Variants in M1AP observed in about 807,000 individuals in gnomAD.
M1AP encodes meiosis 1 arrest protein.
Under a neutral mutation model 51.2 loss-of-function variants are expected in M1AP, and 39 were observed. The ratio of observed to expected loss-of-function variants is 0.76; its 90% confidence interval spans 0.59 to 1.00. M1AP has a LOEUF of 1.00. M1AP is among the 50% of genes least tolerant of loss of function. The pLI is 0.00. For synonymous variants in M1AP, 251 were observed against 249.2 expected, an observed-to-expected ratio of 1.01 and a Z score of -0.07; for missense variants, 545 against 641.2, an observed-to-expected ratio of 0.85 and a Z score of 1.62.
rs1404393644 is a variant in M1AP at position 74,599,379 on chromosome 2, T to A, written c.595+7676A>T. Among the ~76,000 whole-genome samples, 5 of 152,168 alleles carry A rather than the reference T, an allele frequency of 3.3e-5. 2 individuals carry two copies. In the South Asian group the frequency reaches 1.0e-3, roughly 32 times the overall value. ...AAATTTTCTCCTATGCTTTTTTTTT[T>A]AAAGTTTTACATTTTACTTTTCACA... On this transcript the variant is annotated intron_variant, in intron 4 of 10. Coordinates refer to ENST00000421985, the MANE Select transcript of M1AP (RefSeq NM_001321739.2).
intron 5 of M1AP, among the ~76,000 whole-genome samples, chr2:74,577,204 A>G (rs1642876072): frequency 6.6e-6 from 1 of 152,202 alleles, no homozygotes; most frequent in African/African-American, 2.4e-5. Context: ...CTTATTTTTT[A>G]ATTCCCCAAA....
At chr2:74,646,015 T>C (rs989922284) in intron 1 of M1AP, among the ~76,000 whole-genome samples, 3 of 152,240 alleles carry the variant, frequency 2.0e-5, no homozygotes, top group Non-Finnish European at 4.4e-5. Context: ...TCTAGCTCTT[T>C]AGTTCACGAA....
rs184349766 is a variant in M1AP at position 74,558,561 on chromosome 2, G to A, written c.*155C>T. 81 of 786,518 alleles carry A rather than the reference G, an allele frequency of 1.0e-4. 1 individual carries two copies. In the African/African-American group the frequency reaches 1.2e-3, roughly 12 times the overall value. The allele number at this position is 786,518 out of a possible 1,614,324, so 48.7% of individuals were successfully genotyped here. ...GCTTCCAGACTTGAGGAGTGGGACA[G>A]CACTGAAACAGGACAGGAAGGCTGT... On this transcript the variant is annotated 3_prime_UTR_variant, in exon 11 of 11. Transcript: ENST00000421985.
intron 2 of M1AP, among the ~76,000 whole-genome samples, chr2:74,621,336 G>C (rs1289343554): frequency 6.6e-6 from 1 of 151,778 alleles, no homozygotes; most frequent in Non-Finnish European, 1.5e-5. Context: ...TTCCCAGCTG[G>C]CAAAATGAGA....
chr2:74,629,909 G>A (rs1682606968), intron 2 of M1AP, among the ~76,000 whole-genome samples: 1 of 151,266 alleles, frequency 6.6e-6, no homozygotes, highest in African/African-American at 2.4e-5. Flanking sequence ...AACACTTCTG[G>A]TCTAAAGTAT....
At chr2:74,623,730 G>A (rs778389114) in intron 2 of M1AP, among the ~76,000 whole-genome samples, 19 of 152,124 alleles carry the variant, frequency 1.2e-4, no homozygotes, top group Non-Finnish European at 2.1e-4. Context: ...GGAGTACAGT[G>A]GCGTGATCAT....
At chr2:74,599,422 T>A (rs1680542278) in intron 4 of M1AP, among the ~76,000 whole-genome samples, 1 of 152,194 alleles carries the variant, frequency 6.6e-6, no homozygotes, top group African/African-American at 2.4e-5. Context: ...CTTTAATCCA[T>A]CTAAAAACAT....
At chr2:74,648,238 C>G in intron 1 of M1AP, 27 bp downstream of exon 1, 1 of 976,440 alleles carries the variant, frequency 1.0e-6, no homozygotes, top group South Asian at 4.7e-5. Flanking sequence ...GGGCTGCCCT[C>G]CCTCCCCGAG....
At position 74,648,203 on chromosome 2, in the gene M1AP, C is replaced by T. The variant is rs530798410; in HGVS notation, c.-53+62G>A. On this transcript the variant is annotated intron_variant, in intron 1 of 10. Transcript: ENST00000421985. Reference sequence around the variant, plus strand: ...GAGCTCGGCCCACGCCCAGCCCAGCCTGCGAAGTGGTGCCGGCTGCTCTCG... The same window carrying T: ...GAGCTCGGCCCACGCCCAGCCCAGCTTGCGAAGTGGTGCCGGCTGCTCTCG... 9.3e-6 allele frequency: 9 copies of T among 963,144 alleles called. No individual in the cohort carries two copies. The South Asian group carries it at 3.3e-4, about 36-fold the overall frequency. 59.7% of individuals were successfully genotyped at this position (963,144 alleles called of 1,614,324 possible). A position where few individuals can be genotyped will look rare whatever the true frequency, so the allele number is the denominator to read the frequency against.
intron 2 of M1AP, among the ~76,000 whole-genome samples, chr2:74,620,500 T>C (rs566053476): frequency 1.3e-5 from 2 of 152,200 alleles, no homozygotes; most frequent in Non-Finnish European, 1.5e-5. Context: ...CATTCATTCA[T>C]TGGAGAATGT....
chr2:74,575,449 G>A lies in M1AP; in HGVS notation c.1063C>T (p.His355Tyr), dbSNP rs772900148. The A allele has an allele frequency of 6.2e-7, 1 of 1,614,104 alleles. No homozygotes were observed. Among genetic ancestry groups the A allele is most frequent in the Admixed American group, 1.7e-5 (1 of 60,030 alleles). ...TNQQHFHALCHSLLKREWLLL... is the reference protein window; with the variant it reads ...TNQQHFHALCYSLLKREWLLL... Reference sequence around the variant, plus strand: ...ACATGGGTACTCACCAGCAGGCTGTGACACAAAGCATGGAAATGTTGCTGA... The same window carrying A: ...ACATGGGTACTCACCAGCAGGCTGTAACACAAAGCATGGAAATGTTGCTGA... Residue 355 changes from histidine to tyrosine, a missense_variant, in exon 7 of 11, where the codon CAC becomes TAC. Transcript: ENST00000421985.
At position 74,558,446 on chromosome 2, in the gene M1AP, G is replaced by C. The variant is rs1039240392; in HGVS notation, c.*270C>G. On this transcript the variant is annotated 3_prime_UTR_variant, in exon 11 of 11. Transcript: ENST00000421985. ...TCCTAACAATGGTAGAAGCTTACTG[G>C]GTGTTTAATCTTCACCTGTGTAAAC... 2.4e-6 allele frequency: 1 copy of C among 413,760 alleles called. No individual in the cohort carries two copies. The highest frequency in any genetic ancestry group is 4.3e-6 in the Non-Finnish European group (1 of 234,332). The allele number at this position is 413,760 out of a possible 1,614,324, so 25.6% of individuals were successfully genotyped here. A position where few individuals can be genotyped will look rare whatever the true frequency, so the allele number is the denominator to read the frequency against.
intron 8 of M1AP, 110 bp from the exon 9 acceptor site, chr2:74,560,401 G>A: frequency 8.4e-7 from 1 of 1,188,430 alleles, no homozygotes; most frequent in Non-Finnish European, 1.2e-6. Context: ...GAAACCCCAG[G>A]GCTGCCATGA....
rs528494761 is a variant in M1AP, at chr2:74,593,899, A to G, written c.596-12052T>C. Reference sequence around the variant, plus strand: ...TGTCTTTCACTAGCATTGCCAGGGTAAGGAGTCTGGGGCAACCAGGACCTC... The same window carrying G: ...TGTCTTTCACTAGCATTGCCAGGGTGAGGAGTCTGGGGCAACCAGGACCTC... On this transcript the variant is annotated intron_variant, in intron 4 of 10. Transcript: ENST00000421985. 2.4e-4 allele frequency among the ~76,000 whole-genome samples: 36 copies of G among 152,342 alleles called. No individual in the cohort carries two copies. In the East Asian group the frequency reaches 5.2e-3, roughly 22 times the overall value.
At chr2:74,645,069 T>C (rs1389030370) in intron 1 of M1AP, among the ~76,000 whole-genome samples, 1 of 152,168 alleles carries the variant, frequency 6.6e-6, no homozygotes, top group Non-Finnish European at 1.5e-5. Flanking sequence ...GCACTGCCTT[T>C]ATGAGCTGTA....
At chr2:74,618,999 T>A in intron 2 of M1AP, 1 of 527,184 alleles carries the variant, frequency 1.9e-6, no homozygotes, top group Admixed American at 2.0e-5. Context: ...ATCTCTGCCT[T>A]CATGCATATT....
At chr2:74,593,629 C>A (rs572920060) in intron 4 of M1AP, among the ~76,000 whole-genome samples, 1 of 152,290 alleles carries the variant, frequency 6.6e-6, no homozygotes, top group South Asian at 2.1e-4. Context: ...GATCTGCCTG[C>A]CTCAGCCTTC....
intron 5 of M1AP, 80 bp from the exon 6 acceptor site, chr2:74,576,698 C>A: frequency 6.7e-7 from 1 of 1,487,932 alleles, no homozygotes; most frequent in South Asian, 1.2e-5. Context: ...TTAGGCTATG[C>A]CATTAAGAGA....
At chr2:74,630,794 CAT>C (rs1210461735) in intron 2 of M1AP, among the ~76,000 whole-genome samples, 4 of 152,094 alleles carry the variant, frequency 2.6e-5, no homozygotes, top group African/African-American at 9.7e-5. Context: ...GCAGTAAACA[CAT>C]GTGTGCATGT....
Sources: gnomAD v4.1 joint callset for allele counts (sites outside exome capture counted in the v4.1 genomes callset) on GRCh38, gnomAD v4.1.1 for gene constraint, MANE v1.5 for transcripts, NCBI Gene and HGNC (gene_info 2026-07-23, HGNC 2026-07-21) for gene names.